Variants in KIF6 observed in about 807,000 individuals in gnomAD.
KIF6 encodes kinesin-like protein KIF6.
Under a neutral mutation model 112.7 loss-of-function variants are expected in KIF6, and 106 were observed. The ratio of observed to expected loss-of-function variants is 0.94; its 90% CI spans 0.80 to 1.11. KIF6 has a LOEUF of 1.11. KIF6 is among the 50% of genes least tolerant of loss of function. The pLI is 0.00. For synonymous variants in KIF6, 339 were observed against 339.9 expected (o/e 1.00, Z 0.03); for missense variants, 929 against 964.0 (o/e 0.96, Z 0.48).
intron 13 of KIF6, among the ~76,000 whole-genome samples, chr6:39,475,643 T>C (rs1483420478): frequency 1.3e-5 from 2 of 152,196 alleles, no homozygotes; most frequent in African/African-American, 2.4e-5. Flanking sequence ...CTGTTGCTCC[T>C]GACTCAGTCC....
intron 13 of KIF6, among the ~76,000 whole-genome samples, chr6:39,468,987 C>A (rs1225863282): frequency 6.6e-6 from 1 of 151,712 alleles, no homozygotes; most frequent in Non-Finnish European, 1.5e-5. Context: ...GAAATGACAC[C>A]AGATTATAAC....
At chr6:39,590,409 ATGTGTGTGTATG>A (rs1160758745) in intron 7 of KIF6, among the ~76,000 whole-genome samples, 2 of 128,386 alleles carry the variant, frequency 1.6e-5, no homozygotes, top group African/African-American at 5.9e-5. Context: ...ATATATATAT[ATGTGTGTGTATG>A]TGTGTGTGTA....
At chr6:39,426,149 G>A (rs1770747056) in intron 14 of KIF6, among the ~76,000 whole-genome samples, 1 of 152,226 alleles carries the variant, frequency 6.6e-6, no homozygotes, top group Non-Finnish European at 1.5e-5. Context: ...CTGGGCACTG[G>A]TATTTGCCAA....
chr6:39,392,407 T>C (rs1453604168), intron 15 of KIF6, among the ~76,000 whole-genome samples: 1 of 152,200 alleles, frequency 6.6e-6, no homozygotes, highest in African/African-American at 2.4e-5. Context: ...CTCAGCAGAT[T>C]TGCATAATTA....
chr6:39,440,769 T>C (rs1395860769), intron 13 of KIF6, among the ~76,000 whole-genome samples: 3 of 151,936 alleles, frequency 2.0e-5, no homozygotes, highest in Admixed American at 6.6e-5. Context: ...TAGCATGAAA[T>C]ATAAAGGTCA....
intron 6 of KIF6, among the ~76,000 whole-genome samples, chr6:39,607,466 T>C (rs1233023960): frequency 6.6e-6 from 1 of 152,176 alleles, no homozygotes; most frequent in Non-Finnish European, 1.5e-5. Flanking sequence ...AAAGTTTCTT[T>C]TCTTCTATAC....
intron 2 of KIF6, among the ~76,000 whole-genome samples, chr6:39,719,117 G>A (rs531346132): frequency 1.7e-3 from 254 of 152,230 alleles, no homozygotes; most frequent in African/African-American, 5.6e-3. Flanking sequence ...TCAGAAGTTC[G>A]AGACCAGCCT....
intron 16 of KIF6, among the ~76,000 whole-genome samples, chr6:39,374,843 A>G (rs1036863901): frequency 1.3e-5 from 2 of 152,248 alleles, no homozygotes; most frequent in Admixed American, 1.3e-4. Flanking sequence ...TAGAACCACC[A>G]TGTGATCCAG....
chr6:39,440,518 A>G (rs1771849428), intron 13 of KIF6, among the ~76,000 whole-genome samples: 1 of 152,120 alleles, frequency 6.6e-6, no homozygotes, highest in Non-Finnish European at 1.5e-5. Flanking sequence ...TCGTCACCTA[A>G]ATAATTAGAA....
intron 13 of KIF6, among the ~76,000 whole-genome samples, chr6:39,530,107 C>G (rs146744865): frequency 2.0e-5 from 3 of 152,202 alleles, no homozygotes; most frequent in African/African-American, 7.2e-5. Flanking sequence ...ACCCATTCTC[C>G]GTTCACCTTG....
rs1013468822 is a variant in KIF6, at chr6:39,342,611, ATTTTTTTTTATTTTTTT to A, written c.2428+1081_2428+1097del. Reference sequence around the variant, plus strand: ...TGAATCCAGTTTTTTATTTTTTTTTATTTTTTTTTATTTTTTTTTATTTTTAGACAAGGAAACTGAGA... The same window carrying A: ...TGAATCCAGTTTTTTATTTTTTTTTATTATTTTTAGACAAGGAAACTGAGA... On this transcript the variant is annotated intron_variant, in intron 22 of 22. Transcript: ENST00000287152. The surrounding 1 kb of genome is among the most constrained non-coding windows in gnomAD (Gnocchi z 4.7). Among the ~76,000 whole-genome samples, 1 of 84,518 alleles carries A rather than the reference ATTTTTTTTTATTTTTTT, an allele frequency of 1.2e-5. No homozygotes were observed. The highest frequency in any genetic ancestry group is 2.2e-5 in the Non-Finnish European group (1 of 45,800). The allele number at this position is 84,518 out of a possible 152,430, so 55.4% of individuals were successfully genotyped here.
chr6:39,514,974 G>A (rs1776991671), intron 13 of KIF6, among the ~76,000 whole-genome samples: 2 of 152,202 alleles, frequency 1.3e-5, no homozygotes, highest in African/African-American at 2.4e-5. Flanking sequence ...ACATTAAATT[G>A]TGATGAAGTA....
intron 15 of KIF6, among the ~76,000 whole-genome samples, chr6:39,415,143 C>T (rs1003624058): frequency 1.5e-4 from 23 of 151,946 alleles, no homozygotes; most frequent in African/African-American, 2.2e-4. Context: ...CCCGAGATTG[C>T]GCTATTGCAC....
chr6:39,341,900 G>C (rs1469216979), intron 22 of KIF6, among the ~76,000 whole-genome samples: 1 of 151,944 alleles, frequency 6.6e-6, no homozygotes, highest in Non-Finnish European at 1.5e-5. Context: ...GTCTACCCTT[G>C]GCCCCTACAA....
intron 13 of KIF6, among the ~76,000 whole-genome samples, chr6:39,483,860 T>G (rs1562254861): frequency 6.6e-6 from 1 of 152,202 alleles, no homozygotes; most frequent in Non-Finnish European, 1.5e-5. Context: ...GTGACATTTC[T>G]CAGTAACTAG....
intron 5 of KIF6, among the ~76,000 whole-genome samples, chr6:39,614,200 G>A (rs562238892): frequency 2.0e-5 from 3 of 152,280 alleles, no homozygotes; most frequent in African/African-American, 7.2e-5. Context: ...AGTTACTAAA[G>A]AGAGTTCCTT....
intron 13 of KIF6, among the ~76,000 whole-genome samples, chr6:39,510,735 A>G (rs549339171): frequency 6.6e-6 from 1 of 152,290 alleles, no homozygotes; most frequent in South Asian, 2.1e-4. Flanking sequence ...GCCCCAATTA[A>G]CAGACACAGA....
chr6:39,701,687 C>G (rs1432051744), intron 3 of KIF6, among the ~76,000 whole-genome samples: 2 of 152,236 alleles, frequency 1.3e-5, no homozygotes, highest in African/African-American at 4.8e-5. Flanking sequence ...TAGGCCATCA[C>G]AAGGAGCTGG....
At chr6:39,664,418 T>A (rs1030032412) in intron 3 of KIF6, among the ~76,000 whole-genome samples, 1 of 152,204 alleles carries the variant, frequency 6.6e-6, no homozygotes, top group Non-Finnish European at 1.5e-5. Context: ...GATGGCTGCA[T>A]GCGGAAGGAG....
Sources: gnomAD v4.1 joint callset for allele counts (sites outside exome capture counted in the v4.1 genomes callset) on GRCh38, gnomAD v4.1.1 for gene constraint, Gnocchi (gnomAD v3.1) non-coding constraint, MANE v1.5 for transcripts, NCBI Gene and HGNC (gene_info 2026-07-23, HGNC 2026-07-21) for gene names.